The following KCNMA1 variants were observed in gnomAD, a reference collection of about 807,000 sequenced individuals.
KCNMA1 encodes potassium calcium-activated channel subfamily M alpha 1.
In KCNMA1, 29 loss-of-function variants were observed where a neutral mutation model predicts 140.0. The observed-to-expected ratio is 0.21, with a 90% CI of 0.15 to 0.28. The LOEUF (loss-of-function observed/expected upper bound fraction) is 0.28, where lower values mean the gene tolerates loss of function less well. Ranked by LOEUF, KCNMA1 falls within the 10% of genes least tolerant of loss-of-function variation. KCNMA1 has a pLI of 1.00. For synonymous variants in KCNMA1, 612 were observed against 611.9 expected (o/e 1.00, Z 0.00); for missense variants, 880 against 1,602.2 (o/e 0.55, Z 7.70).
At chr10:76,948,324 G>A (rs187263883) in intron 22 of KCNMA1, among the ~76,000 whole-genome samples, 12 of 152,240 alleles carry the variant, frequency 7.9e-5, no homozygotes, top group African/African-American at 2.6e-4. Flanking sequence ...TCAGTTTCAG[G>A]GATGTGAACT....
At chr10:77,218,739 T>G (rs987169519) in intron 3 of KCNMA1, among the ~76,000 whole-genome samples, 26 of 152,204 alleles carry the variant, frequency 1.7e-4, no homozygotes, top group African/African-American at 5.8e-4. Context: ...CAGGCTGGAG[T>G]GCAGTGGTGC....
At chr10:76,937,840 G>A (rs910358032) in intron 23 of KCNMA1, among the ~76,000 whole-genome samples, 4 of 152,132 alleles carry the variant, frequency 2.6e-5, no homozygotes, top group African/African-American at 9.7e-5. Flanking sequence ...CCGCTTATAT[G>A]TGGATGTTCA....
At chr10:77,278,064 G>T (rs554447792) in intron 2 of KCNMA1, among the ~76,000 whole-genome samples, 49 of 152,290 alleles carry the variant, frequency 3.2e-4, no homozygotes, top group African/African-American at 1.1e-3. Flanking sequence ...TATATAATCA[G>T]CATGCTCTGT....
intron 1 of KCNMA1, among the ~76,000 whole-genome samples, chr10:77,441,882 C>T (rs182139358): frequency 3.3e-5 from 5 of 152,048 alleles, no homozygotes; most frequent in African/African-American, 7.2e-5. Flanking sequence ...AGAGAGGGTC[C>T]CTAGTTGGCA....
intron 2 of KCNMA1, among the ~76,000 whole-genome samples, chr10:77,255,723 C>A (rs1440669758): frequency 1.3e-5 from 2 of 151,932 alleles, no homozygotes; most frequent in African/African-American, 4.8e-5. Flanking sequence ...ACCAGCCTGG[C>A]CAATATGGTG....
chr10:77,190,053 C>T (rs2098926785), intron 3 of KCNMA1, among the ~76,000 whole-genome samples: 1 of 152,184 alleles, frequency 6.6e-6, no homozygotes, highest in South Asian at 2.1e-4. Context: ...CATGTATTCC[C>T]TAATTTTAAA....
intron 24 of KCNMA1, chr10:76,913,965 G>T: frequency 1.0e-6 from 1 of 953,854 alleles, no homozygotes; most frequent in Non-Finnish European, 1.6e-6. Context: ...TTCTGTTACA[G>T]CCGGTGAAAT....
intron 1 of KCNMA1, among the ~76,000 whole-genome samples, chr10:77,582,811 T>C (rs549795254): frequency 3.5e-4 from 54 of 152,320 alleles, no homozygotes; most frequent in Middle Eastern, 6.8e-3. Flanking sequence ...TTTGGTTCCA[T>C]ATTTGCTTCC....
intron 25 of KCNMA1, chr10:76,905,228 C>T (rs1303934215): frequency 6.6e-6 from 1 of 152,172 alleles, no homozygotes; most frequent in African/African-American, 2.4e-5. Flanking sequence ...AAGCCAAGTA[C>T]TATGCCAATA....
intron 1 of KCNMA1, among the ~76,000 whole-genome samples, chr10:77,566,239 C>G (rs2068259093): frequency 6.6e-6 from 1 of 152,212 alleles, no homozygotes; most frequent in South Asian, 2.1e-4. Flanking sequence ...AATGTCCCCC[C>G]ATCCCATCCC....
intron 22 of KCNMA1, among the ~76,000 whole-genome samples, chr10:76,948,304 C>T (rs1197367352): frequency 6.6e-6 from 1 of 152,158 alleles, no homozygotes; most frequent in African/African-American, 2.4e-5. Context: ...CTGCACCTGG[C>T]CCCTGTTTCT....
chr10:77,379,759 A>G (rs939791777), intron 2 of KCNMA1, among the ~76,000 whole-genome samples: 1 of 152,096 alleles, frequency 6.6e-6, no homozygotes, highest in Non-Finnish European at 1.5e-5. Context: ...AAATCACATC[A>G]AGACTATATC....
intron 11 of KCNMA1, 32 bp from the exon 12 acceptor site, chr10:77,084,751 C>T: frequency 6.7e-7 from 1 of 1,490,446 alleles, no homozygotes. Flanking sequence ...TCACAGAACA[C>T]AAACATATAA....
intron 25 of KCNMA1, among the ~76,000 whole-genome samples, chr10:76,905,618 TG>T (rs758793014): frequency 2.0e-5 from 3 of 152,210 alleles, no homozygotes; most frequent in Non-Finnish European, 4.4e-5. Flanking sequence ...GCCTTTATAG[TG>T]TTCTCTCCCT....
At chr10:77,024,250 C>T (rs1286112356) in intron 16 of KCNMA1, among the ~76,000 whole-genome samples, 1 of 152,122 alleles carries the variant, frequency 6.6e-6, no homozygotes, top group Admixed American at 6.5e-5. Context: ...CTTTAAGATG[C>T]AAAGTGTTGC....
chr10:77,071,171 G>A (rs76928878), intron 14 of KCNMA1: 66 of 152,346 alleles, frequency 4.3e-4, no homozygotes, highest in African/African-American at 1.6e-3. Context: ...AGGCCCATCA[G>A]GGTCTGGAGG....
chr10:76,901,282 C>A (rs377631043), intron 25 of KCNMA1: 1 of 152,152 alleles, frequency 6.6e-6, no homozygotes, highest in East Asian at 1.9e-4. Context: ...ATATTTTCTT[C>A]TTTATATGTT....
intron 1 of KCNMA1, among the ~76,000 whole-genome samples, chr10:77,406,510 A>C (rs1305024345): frequency 6.6e-6 from 1 of 152,174 alleles, no homozygotes; most frequent in East Asian, 1.9e-4. Flanking sequence ...GTTGAAACAC[A>C]GTGTGCTGGG....
At chr10:77,444,940 C>A (rs11002169) in intron 1 of KCNMA1, among the ~76,000 whole-genome samples, 2,180 of 152,298 alleles carry the variant, frequency 0.014, 18 homozygotes, top group Non-Finnish European at 0.022. Flanking sequence ...ATTATCTCCC[C>A]AGACAGAGGC....
Sources: gnomAD v4.1 joint callset for allele counts (sites outside exome capture counted in the v4.1 genomes callset) on GRCh38, gnomAD v4.1.1 for gene constraint, MANE v1.5 for transcripts, NCBI Gene and HGNC (gene_info 2026-07-23, HGNC 2026-07-21) for gene names.